The following MGST2 variants were observed in gnomAD, a reference collection of about 807,000 sequenced individuals.
MGST2 encodes the protein glutathione peroxidase MGST2.
In MGST2, 9 loss-of-function variants were observed where a neutral mutation model predicts 16.6. The observed-to-expected ratio is 0.54, with a 90% CI of 0.33 to 0.95. The LOEUF (loss-of-function observed/expected upper bound fraction) is 0.95. MGST2 is among the 40% of genes least tolerant of loss of function. MGST2 has a pLI of 0.03. For synonymous variants in MGST2, 79 were observed against 68.0 expected (o/e 1.16, Z -0.79); for missense variants, 159 against 175.1 (o/e 0.91, Z 0.52).
At chr4:139,676,499 C>G (rs8192052) in intron 1 of MGST2, among the ~76,000 whole-genome samples, 124 of 152,300 alleles carry the variant, frequency 8.1e-4, no homozygotes, top group Middle Eastern at 3.4e-3. Context: ...TGAAGGCAGT[C>G]TGGAGGCAGA....
At chr4:139,691,582 A>C (rs980691100) in intron 2 of MGST2, among the ~76,000 whole-genome samples, 1 of 152,134 alleles carries the variant, frequency 6.6e-6, no homozygotes, top group Admixed American at 6.5e-5. Context: ...CAGGTATTTC[A>C]AGGCCAAACC....
chr4:139,745,155 G>A (rs952853579), downstream of MGST2, among the ~76,000 whole-genome samples: 4 of 152,144 alleles, frequency 2.6e-5, no homozygotes, highest in Non-Finnish European at 5.9e-5. Flanking sequence ...AAGGAGAGCG[G>A]CCACCTGCAA....
intron 1 of MGST2, among the ~76,000 whole-genome samples, chr4:139,668,874 G>A (rs1004875847): frequency 1.3e-5 from 2 of 152,078 alleles, no homozygotes; most frequent in Non-Finnish European, 2.9e-5. Context: ...ATTTGATAGG[G>A]ATATTTCTTC....
chr4:139,728,635 C>A (rs180755500), intron 5 of MGST2, among the ~76,000 whole-genome samples: 1 of 152,194 alleles, frequency 6.6e-6, no homozygotes, highest in Non-Finnish European at 1.5e-5. Context: ...ACAGTTGCTA[C>A]GGAATGATCC....
chr4:139,678,058 C>G (rs893716272), intron 1 of MGST2, among the ~76,000 whole-genome samples: 8 of 152,196 alleles, frequency 5.3e-5, no homozygotes, highest in Non-Finnish European at 1.0e-4. Flanking sequence ...ATATGAACTT[C>G]TGTACCTCAC....
intron 1 of MGST2, among the ~76,000 whole-genome samples, chr4:139,671,889 G>A (rs1257187616): frequency 6.6e-6 from 1 of 152,050 alleles, no homozygotes; most frequent in South Asian, 2.1e-4. Flanking sequence ...TGATCCACCC[G>A]CCTCAACCTC....
At chr4:139,746,197 G>A in the MGST2 span, among the ~76,000 whole-genome samples, 2 of 152,086 alleles carry the variant, frequency 1.3e-5, no homozygotes. Flanking sequence ...AACAGAAATG[G>A]TATGTTATAT....
intron 5 of MGST2, among the ~76,000 whole-genome samples, chr4:139,721,848 C>T (rs1728247025): frequency 6.6e-6 from 1 of 152,102 alleles, no homozygotes; most frequent in South Asian, 2.1e-4. Flanking sequence ...GTAGTATATA[C>T]TGCAACTTGT....
intron 2 of MGST2, among the ~76,000 whole-genome samples, chr4:139,685,725 G>A (rs552075928): frequency 1.6e-4 from 25 of 152,146 alleles, no homozygotes; most frequent in Admixed American, 2.6e-4. Flanking sequence ...GTGCAATGGC[G>A]CAATCTTGGC....
At chr4:139,679,198 G>C (rs1731116211) in intron 2 of MGST2, 1 of 156,704 alleles carries the variant, frequency 6.4e-6, no homozygotes, top group African/African-American at 2.4e-5. Flanking sequence ...TAAACACCGT[G>C]AACTTGCCTG....
At chr4:139,701,846 G>A (rs189570882) in intron 3 of MGST2, among the ~76,000 whole-genome samples, 7 of 152,010 alleles carry the variant, frequency 4.6e-5, no homozygotes, top group Admixed American at 1.3e-4. Context: ...ATACACCAGT[G>A]GTCCCAGCTA....
intron 5 of MGST2, among the ~76,000 whole-genome samples, chr4:139,739,720 T>TAA (rs59259375): frequency 0.02 from 2,702 of 134,136 alleles, 66 homozygotes; most frequent in East Asian, 0.11. Context: ...GTGTTAAAAC[T>TAA]AAAAAAAAAA....
At chr4:139,682,256 A>C (rs1246093041) in intron 2 of MGST2, among the ~76,000 whole-genome samples, 21 of 147,092 alleles carry the variant, frequency 1.4e-4, no homozygotes, top group African/African-American at 5.0e-4. Flanking sequence ...AAAAAAAAAA[A>C]CAAAAACAGA....
At chr4:139,737,850 G>C (rs192998831) in intron 5 of MGST2, among the ~76,000 whole-genome samples, 324 of 152,338 alleles carry the variant, frequency 2.1e-3, no homozygotes, top group Non-Finnish European at 3.5e-3. Flanking sequence ...AATATCCTCT[G>C]TCTCAGCAGA....
chr4:139,725,704 C>T (rs1343975175), intron 5 of MGST2: 3 of 1,570,416 alleles, frequency 1.9e-6, no homozygotes, highest in Non-Finnish European at 2.6e-6. Context: ...TTCACTTACG[C>T]TTCACCACTG....
intron 3 of MGST2, among the ~76,000 whole-genome samples, chr4:139,700,893 C>T (rs756448660): frequency 6.6e-6 from 1 of 152,156 alleles, no homozygotes; most frequent in Non-Finnish European, 1.5e-5. Context: ...ACTTGATTGC[C>T]AAGATTTAAA....
At chr4:139,713,004 G>T (rs1040181477) in intron 5 of MGST2, among the ~76,000 whole-genome samples, 2 of 152,144 alleles carry the variant, frequency 1.3e-5, no homozygotes, top group Admixed American at 1.3e-4. Flanking sequence ...TCCAAATTTT[G>T]TTCACAGCAG....
At chr4:139,728,962 TGAG>T (rs1265861000) in intron 5 of MGST2, among the ~76,000 whole-genome samples, 1 of 152,006 alleles carries the variant, frequency 6.6e-6, no homozygotes, top group Non-Finnish European at 1.5e-5. Context: ...TGGGATTGGC[TGAG>T]GAGAGGATTT....
intron 1 of MGST2, among the ~76,000 whole-genome samples, chr4:139,675,932 T>TCCA (rs1411920160): frequency 6.6e-6 from 1 of 152,136 alleles, no homozygotes; most frequent in East Asian, 1.9e-4. Context: ...ATATAAATTT[T>TCCA]GGGGAAAGAA....
Sources: allele counts gnomAD v4.1 joint callset (sites outside exome capture counted in the v4.1 genomes callset), GRCh38; gene constraint gnomAD v4.1.1; transcripts MANE v1.5; gene names NCBI Gene and HGNC (gene_info 2026-07-23, HGNC 2026-07-21).